MTPAP: variants seen among roughly 807,000 people sequenced by gnomAD.
MTPAP encodes the protein poly(A) RNA polymerase, mitochondrial.
MTPAP carries 23 observed loss-of-function variants against 48.7 expected under a neutral mutation model. The observed-to-expected ratio is 0.47, with a 90% CI of 0.34 to 0.67. The LOEUF (loss-of-function observed/expected upper bound fraction) is 0.67. MTPAP is among the 30% of genes least tolerant of loss of function. The pLI, the probability that MTPAP is intolerant of heterozygous loss-of-function variation, is 0.01. For synonymous variants in MTPAP, 257 were observed against 254.1 expected, an observed-to-expected ratio of 1.01 and a Z score of -0.11; for missense variants, 614 against 694.3, an observed-to-expected ratio of 0.88 and a Z score of 1.30.
rs372817810 is a variant in MTPAP at position 30,336,778 on chromosome 10, T to C, written c.780+25A>G. On this transcript the variant is annotated intron_variant, in intron 4 of 8. Coordinates refer to ENST00000263063, the MANE Select transcript of MTPAP (RefSeq NM_018109.4). The stretch of plus-strand genomic sequence containing the variant: ...ATACTTTCTTAACTTTACATGATTA[T>C]AGTGGTCAAAAGAAATAGACTTACC... The C allele has an allele frequency of 2.9e-5, 44 of 1,514,698 alleles. No individual in the cohort carries two copies. The South Asian group carries it at 4.2e-4, about 14-fold the overall frequency. 93.8% of individuals were successfully genotyped at this position (1,514,698 alleles called of 1,614,324 possible).
At chr10:30,346,114 G>C (rs923493382) in intron 1 of MTPAP, among the ~76,000 whole-genome samples, 54 of 151,636 alleles carry the variant, frequency 3.6e-4, no homozygotes, top group African/African-American at 1.3e-3. Context: ...ATGCATGCAC[G>C]TAATGGGGGA....
intron 6 of MTPAP, among the ~76,000 whole-genome samples, chr10:30,318,111 G>A (rs1282724958): frequency 6.6e-6 from 1 of 151,994 alleles, no homozygotes; most frequent in Non-Finnish European, 1.5e-5. Flanking sequence ...CACTCGCCTC[G>A]GCCTCCCAAA....
chr10:30,321,236 AGCTTT>A (rs1253443661), intron 6 of MTPAP, among the ~76,000 whole-genome samples: 2 of 148,340 alleles, frequency 1.3e-5, no homozygotes, highest in African/African-American at 5.0e-5. Flanking sequence ...TATCAAATCT[AGCTTT>A]ATTTTATTTT....
intron 4 of MTPAP, among the ~76,000 whole-genome samples, chr10:30,329,676 A>G (rs1834641250): frequency 6.6e-6 from 1 of 152,144 alleles, no homozygotes; most frequent in Non-Finnish European, 1.5e-5. Context: ...CTAATGTATA[A>G]TCAAAGAATA....
chr10:30,332,656 C>T (rs1834683063), intron 4 of MTPAP, among the ~76,000 whole-genome samples: 1 of 151,998 alleles, frequency 6.6e-6, no homozygotes, highest in Admixed American at 6.6e-5. Context: ...TTCTAAATAC[C>T]TCTATACCTC....
Position 30,310,881 on chromosome 10 carries a change from A to C in MTPAP, c.*2728T>G. 1 of 150,856 alleles carries C rather than the reference A, an allele frequency of 6.6e-6. No homozygotes were observed. 9.3% of individuals were successfully genotyped at this position (150,856 alleles called of 1,614,324 possible). On this transcript the variant is annotated 3_prime_UTR_variant, in exon 9 of 9. Coordinates refer to ENST00000263063, the MANE Select transcript of MTPAP (RefSeq NM_018109.4). ...ACCACTGCAGTCTAGCCTGGGTGACAGAGCAAGATTTGCTCTCAAAAAAAA... is the reference window on the plus strand; with the variant it reads ...ACCACTGCAGTCTAGCCTGGGTGACCGAGCAAGATTTGCTCTCAAAAAAAA...
At chr10:30,334,707 A>C (rs1376882840) in intron 4 of MTPAP, among the ~76,000 whole-genome samples, 4 of 152,156 alleles carry the variant, frequency 2.6e-5, no homozygotes, top group Admixed American at 2.6e-4. Context: ...TGGGTATGTA[A>C]CAATATATAA....
chr10:30,316,886 A>AAAAAC (rs1002300587), intron 6 of MTPAP, among the ~76,000 whole-genome samples: 4 of 110,494 alleles, frequency 3.6e-5, no homozygotes, highest in Non-Finnish European at 5.3e-5. Context: ...CTCCATCTCA[A>AAAAAC]AAAACAAAAC....
chr10:30,318,166 T>C (rs1840682976), intron 6 of MTPAP, among the ~76,000 whole-genome samples: 1 of 152,158 alleles, frequency 6.6e-6, no homozygotes, highest in South Asian at 2.1e-4. Flanking sequence ...GCCCTGATAT[T>C]TGACTTTAAA....
chr10:30,313,782 C>A lies in MTPAP; in HGVS notation c.1576G>T (p.Gly526Trp). 1 of 1,614,094 alleles carries A rather than the reference C, an allele frequency of 6.2e-7. No homozygotes were observed. The highest frequency in any genetic ancestry group is 8.5e-7 in the Non-Finnish European group (1 of 1,179,980). Residue 526 changes from glycine to tryptophan, a missense_variant, in exon 9 of 9, where the codon GGG becomes TGG. Transcript: ENST00000263063. ...GATGGTAGCAATAGGGATACCAGCC[C>A]CCAGGGCCGATTACTTGATATGGAA... ...RPSISSNRPW[G>W]LVSLLLPSAP...
chr10:30,342,217 C>T (rs1039044878), intron 1 of MTPAP, among the ~76,000 whole-genome samples: 1 of 152,124 alleles, frequency 6.6e-6, no homozygotes, highest in African/African-American at 2.4e-5. Context: ...TCCTGGGCAA[C>T]AGAGCGAGAC....
At position 30,311,378 on chromosome 10, in the gene MTPAP, T is replaced by C. The variant is rs1840590629; in HGVS notation, c.*2231A>G. On this transcript the variant is annotated 3_prime_UTR_variant, in exon 9 of 9. Transcript: ENST00000263063. ...GCAGAACCCATTATAATTTCTGACATAAAATTTAAATGGGAAAAATTTTTA... is the reference window on the plus strand; with the variant it reads ...GCAGAACCCATTATAATTTCTGACACAAAATTTAAATGGGAAAAATTTTTA... 6.6e-6 allele frequency: 1 copy of C among 152,212 alleles called. No homozygotes were observed. 9.4% of individuals were successfully genotyped at this position (152,212 alleles called of 1,614,324 possible). A position where few individuals can be genotyped will look rare whatever the true frequency, so the allele number is the denominator to read the frequency against.
intron 1 of MTPAP, 159 bp downstream of exon 1, chr10:30,348,960 G>C: frequency 9.2e-7 from 1 of 1,083,030 alleles, no homozygotes; most frequent in Non-Finnish European, 1.3e-6. Flanking sequence ...GGCGACCCTG[G>C]GTTCCCCTAC....
At chr10:30,342,319 G>A (rs964913890) in intron 1 of MTPAP, among the ~76,000 whole-genome samples, 26 of 151,746 alleles carry the variant, frequency 1.7e-4, no homozygotes, top group African/African-American at 6.1e-4. Context: ...TATGAATGTG[G>A]TCTCTCTCTC....
chr10:30,321,319 C>A (rs1209837706), intron 6 of MTPAP, among the ~76,000 whole-genome samples: 1 of 152,094 alleles, frequency 6.6e-6, no homozygotes, highest in Admixed American at 6.6e-5. Context: ...AGAAGGAACA[C>A]AGAAATTTGT....
rs368547121 is a variant in MTPAP, at chr10:30,340,490, G to A, written c.331-40C>T. ...TAAGAAAAAACAGAACACATTTCACGATATATCTAACATACTATTTTAGCT... is the reference window on the plus strand; with the variant it reads ...TAAGAAAAAACAGAACACATTTCACAATATATCTAACATACTATTTTAGCT... On this transcript the variant is annotated intron_variant, in intron 2 of 8. Transcript: ENST00000263063. 32 of 1,376,632 alleles carry A rather than the reference G, an allele frequency of 2.3e-5. 1 individual carries two copies. Among genetic ancestry groups the A allele is most frequent in the South Asian group, 2.0e-4 (17 of 86,210 alleles). 85.3% of individuals were successfully genotyped at this position (1,376,632 alleles called of 1,614,324 possible). A position where few individuals can be genotyped will look rare whatever the true frequency, so the allele number is the denominator to read the frequency against.
chr10:30,345,896 A>C (rs1343077396), intron 1 of MTPAP, among the ~76,000 whole-genome samples: 1 of 152,030 alleles, frequency 6.6e-6, no homozygotes, highest in Non-Finnish European at 1.5e-5. Flanking sequence ...AAAATACAAA[A>C]AATTAACCAA....
rs1840662226 is a variant in MTPAP, at chr10:30,316,356, C to T, written c.1220-146G>A. On this transcript the variant is annotated intron_variant, in intron 6 of 8. Transcript: ENST00000263063. Reference sequence around the variant, plus strand: ...CTCCCAGGTTCCAGCAATTCTCCTGCCTCAGCCTCCCGGGTAGCTGGGATT... The same window carrying T: ...CTCCCAGGTTCCAGCAATTCTCCTGTCTCAGCCTCCCGGGTAGCTGGGATT... The T allele has an allele frequency of 5.1e-5, 35 of 685,980 alleles. No homozygotes were observed. In the South Asian group the frequency reaches 5.9e-4, roughly 12 times the overall value. The allele number at this position is 685,980 out of a possible 1,614,324, so 42.5% of individuals were successfully genotyped here. A position where few individuals can be genotyped will look rare whatever the true frequency, so the allele number is the denominator to read the frequency against.
chr10:30,340,574 T>A, intron 2 of MTPAP, 124 bp from the exon 3 acceptor site: 3 of 791,440 alleles, frequency 3.8e-6, no homozygotes, highest in Non-Finnish European at 6.4e-6. Context: ...AATTTACAAA[T>A]GATATGATTC....
Sources: allele counts gnomAD v4.1 joint callset (sites outside exome capture counted in the v4.1 genomes callset), GRCh38; gene constraint gnomAD v4.1.1; transcripts MANE v1.5; gene names NCBI Gene and HGNC (gene_info 2026-07-23, HGNC 2026-07-21).